Variants in DLG1 observed in about 807,000 individuals in gnomAD.
The protein encoded by DLG1 is disks large homolog 1.
A neutral mutation model predicts 123.4 loss-of-function variants in DLG1; 42 were observed. The observed-to-expected ratio is 0.34, with a 90% CI of 0.27 to 0.44. DLG1 has a LOEUF of 0.44. DLG1 is among the 20% of genes least tolerant of loss of function. DLG1 has a pLI of 1.00. For synonymous variants in DLG1, 317 were observed against 356.2 expected, an observed-to-expected ratio of 0.89 and a Z score of 1.24; for missense variants, 942 against 1,082.6, an observed-to-expected ratio of 0.87 and a Z score of 1.82.
Position 197,140,236 on chromosome 3 carries a change from G to A in DLG1, c.617C>T (p.Ala206Val). 1.9e-6 allele frequency: 3 copies of A among 1,613,312 alleles called. No homozygotes were observed. Among genetic ancestry groups the A allele is most frequent in the East Asian group, 2.2e-5 (1 of 44,836 alleles). The change falls in exon 8 of 25, where the codon GCA (alanine) becomes GTA (valine). Residue 206 changes from alanine (A) to valine (V), a missense_variant. Coordinates refer to ENST00000667157, the MANE Select transcript of DLG1 (RefSeq NM_001366207.1). The stretch of plus-strand genomic sequence containing the variant: ...AATGTGTGGGTTGTCCGTACCTCCT[G>A]CAATGCTGAAACCAAGCCCTGAATT... ...RGNSGLGFSI[A>V]GGTDNPHIGD...
intron 23 of DLG1, among the ~76,000 whole-genome samples, chr3:197,056,322 G>A (rs1373140884): frequency 6.6e-6 from 1 of 152,086 alleles, no homozygotes; most frequent in Non-Finnish European, 1.5e-5. Flanking sequence ...ACCCAACTTG[G>A]TTGTTACATT....
In DLG1 at chr3:197,164,880, C is replaced by T. The variant is rs9849289; in HGVS notation, c.484-15084G>A. On this transcript the variant is annotated intron_variant, in intron 5 of 24. Transcript: ENST00000667157. ...GAAGTTGCAGTGAGCAGTGAGATCA[C>T]GCCACTGTACTCCAGCCTGGGCAAC... is the stretch of plus-strand genomic sequence containing the variant. Among the ~76,000 whole-genome samples, 113 of 151,012 alleles carry T rather than the reference C, an allele frequency of 7.5e-4. 1 individual carries two copies. Among genetic ancestry groups the T allele is most frequent in the African/African-American group, 2.6e-3 (105 of 40,976 alleles).
At chr3:197,268,410 C>T (rs1021785292) in intron 4 of DLG1, among the ~76,000 whole-genome samples, 1 of 151,808 alleles carries the variant, frequency 6.6e-6, no homozygotes, top group African/African-American at 2.4e-5. Flanking sequence ...ACAGTTGTTC[C>T]ACTTCTCTTA....
At chr3:197,160,368 T>TA (rs11461979) in intron 5 of DLG1, among the ~76,000 whole-genome samples, 34,669 of 141,634 alleles carry the variant, frequency 0.24, 4,778 homozygotes, top group East Asian at 0.63. Context: ...TCAATTCTAT[T>TA]AAAAAAAAAA....
intron 4 of DLG1, among the ~76,000 whole-genome samples, chr3:197,199,604 A>G (rs1157005547): frequency 6.6e-6 from 1 of 152,162 alleles, no homozygotes; most frequent in Non-Finnish European, 1.5e-5. Flanking sequence ...GTAATTATTC[A>G]AAAAAGAGAA....
chr3:197,261,838 T>C (rs916981041), intron 4 of DLG1, among the ~76,000 whole-genome samples: 1 of 152,208 alleles, frequency 6.6e-6, no homozygotes, highest in East Asian at 1.9e-4. Context: ...CCAATGGGAC[T>C]TTACCTTACT....
chr3:197,240,430 T>A (rs773364716), intron 4 of DLG1, among the ~76,000 whole-genome samples: 1 of 151,852 alleles, frequency 6.6e-6, no homozygotes, highest in East Asian at 1.9e-4. Flanking sequence ...AGCAAATACA[T>A]CCAGTAAAAA....
At chr3:197,110,962 C>A (rs758957626) in intron 13 of DLG1, among the ~76,000 whole-genome samples, 1 of 152,092 alleles carries the variant, frequency 6.6e-6, no homozygotes, top group Non-Finnish European at 1.5e-5. Flanking sequence ...GCGCACAGCC[C>A]TGAACATGTG....
intron 14 of DLG1, among the ~76,000 whole-genome samples, chr3:197,092,684 G>A (rs1758421320): frequency 6.6e-6 from 1 of 151,826 alleles, no homozygotes; most frequent in African/African-American, 2.4e-5. Flanking sequence ...ATTATTTTTG[G>A]TAGAGATGGC....
chr3:197,141,507 C>T (rs1213327249), intron 7 of DLG1, among the ~76,000 whole-genome samples: 2 of 152,106 alleles, frequency 1.3e-5, no homozygotes, highest in Non-Finnish European at 2.9e-5. Flanking sequence ...AAGTAGATGG[C>T]AATAAAGATA....
intron 5 of DLG1, among the ~76,000 whole-genome samples, chr3:197,173,123 G>A (rs1407318223): frequency 6.6e-6 from 1 of 151,998 alleles, no homozygotes. Flanking sequence ...TATTTTTATT[G>A]TTAGTTGCTG....
chr3:197,136,353 A>G (rs1785056610), intron 10 of DLG1, 189 bp downstream of exon 10: 1 of 530,774 alleles, frequency 1.9e-6, no homozygotes, highest in Non-Finnish European at 3.3e-6. Context: ...AGGAGGAGCT[A>G]GCAGAGAAAA....
intron 1 of DLG1, chr3:197,298,067 C>T: frequency 2.7e-6 from 1 of 377,162 alleles, no homozygotes; most frequent in Non-Finnish European, 3.7e-6. Flanking sequence ...ACCCCCGGAA[C>T]CTCGCCTCCT....
intron 4 of DLG1, among the ~76,000 whole-genome samples, chr3:197,232,694 T>C (rs1452005407): frequency 6.6e-6 from 1 of 152,004 alleles, no homozygotes; most frequent in Admixed American, 6.6e-5. Context: ...TGGTTCTCAT[T>C]TAAGGCTACA....
At chr3:197,120,571 C>G (rs1775788443) in intron 11 of DLG1, among the ~76,000 whole-genome samples, 1 of 152,160 alleles carries the variant, frequency 6.6e-6, no homozygotes, top group Non-Finnish European at 1.5e-5. Context: ...ATTTAATTAT[C>G]AAGCATTAAT....
intron 3 of DLG1, among the ~76,000 whole-genome samples, chr3:197,290,199 C>T (rs1341589790): frequency 1.3e-5 from 2 of 151,742 alleles, no homozygotes; most frequent in African/African-American, 4.8e-5. Context: ...ATGAAAGACA[C>T]GGGAAAAAAA....
chr3:197,218,222 G>C (rs552088410), intron 4 of DLG1, among the ~76,000 whole-genome samples: 4 of 152,276 alleles, frequency 2.6e-5, no homozygotes, highest in African/African-American at 7.2e-5. Context: ...ACGATGAAAA[G>C]AGCATGATGA....
At chr3:197,294,584 G>A (rs1395723223) in intron 3 of DLG1, among the ~76,000 whole-genome samples, 4 of 151,442 alleles carry the variant, frequency 2.6e-5, no homozygotes, top group Non-Finnish European at 4.4e-5. Flanking sequence ...CGTGAACCTG[G>A]CAGGCGGAGC....
chr3:197,151,961 A>T (rs1794080394), intron 5 of DLG1, among the ~76,000 whole-genome samples: 1 of 152,152 alleles, frequency 6.6e-6, no homozygotes, highest in Non-Finnish European at 1.5e-5. Flanking sequence ...TTGCCCTTTT[A>T]CTGCCTCTAC....
Sources: allele counts gnomAD v4.1 joint callset (sites outside exome capture counted in the v4.1 genomes callset), GRCh38; gene constraint gnomAD v4.1.1; transcripts MANE v1.5; gene names NCBI Gene and HGNC (gene_info 2026-07-23, HGNC 2026-07-21).